The following MAP2K6 variants were observed in gnomAD, a reference collection of about 807,000 sequenced individuals.
The protein encoded by MAP2K6 is mitogen-activated protein kinase kinase 6.
Under a neutral mutation model 53.7 loss-of-function variants are expected in MAP2K6, and 16 were observed. The ratio of observed to expected loss-of-function variants is 0.30; its 90% CI spans 0.20 to 0.45. MAP2K6 has a LOEUF of 0.45. MAP2K6 is among the 20% of genes least tolerant of loss of function. The pLI is 1.00. For missense variants in MAP2K6, 204 were observed against 411.9 expected (o/e 0.50, Z 4.37); for synonymous variants, 132 against 143.1 (o/e 0.92, Z 0.55).
intron 4 of MAP2K6, among the ~76,000 whole-genome samples, chr17:69,518,603 T>C (rs75384229): frequency 2.6e-5 from 4 of 152,342 alleles, no homozygotes; most frequent in Non-Finnish European, 4.4e-5. Flanking sequence ...ATTGGGGCTA[T>C]TGTTAGGAAT....
intron 1 of MAP2K6, among the ~76,000 whole-genome samples, chr17:69,446,588 G>A (rs1906970958): frequency 6.6e-6 from 1 of 152,144 alleles, no homozygotes; most frequent in Non-Finnish European, 1.5e-5. Context: ...TCACAGGTGA[G>A]GAAACCAAAG....
intron 1 of MAP2K6, among the ~76,000 whole-genome samples, chr17:69,472,385 T>C (rs1398442894): frequency 8.5e-5 from 13 of 152,240 alleles, no homozygotes. Context: ...AACATTGTTT[T>C]ATTATAGTGT....
chr17:69,463,490 GCA>G (rs897091593), intron 1 of MAP2K6, among the ~76,000 whole-genome samples: 28 of 146,728 alleles, frequency 1.9e-4, no homozygotes, highest in African/African-American at 2.5e-4. Flanking sequence ...ACACATATAT[GCA>G]CACACACACA....
At position 69,466,551 on chromosome 17, in the gene MAP2K6, G is replaced by T. The variant is rs74895439; in HGVS notation, c.17-39229G>T. ...TCTGGAATTTGTTTCTCAAGCCATC[G>T]GCACTGCATCCCCTCCAGTGGTTTG... On this transcript the variant is annotated intron_variant, in intron 1 of 11. Coordinates refer to ENST00000590474, the MANE Select transcript of MAP2K6 (RefSeq NM_002758.4). 7.9e-5 allele frequency among the ~76,000 whole-genome samples: 12 copies of T among 152,250 alleles called. No homozygotes were observed. In the East Asian group the frequency reaches 2.3e-3, roughly 29 times the overall value.
chr17:69,478,687 A>G (rs746408505), intron 1 of MAP2K6, among the ~76,000 whole-genome samples: 1 of 152,190 alleles, frequency 6.6e-6, no homozygotes, highest in Non-Finnish European at 1.5e-5. Context: ...GGCCTCCCAA[A>G]GTGCAGGGAT....
At chr17:69,526,782 G>T in intron 10 of MAP2K6, 73 bp downstream of exon 10, 2 of 1,528,372 alleles carry the variant, frequency 1.3e-6, no homozygotes, top group Non-Finnish European at 1.8e-6. Flanking sequence ...TTCCATCGGG[G>T]TTGAATCCAT....
At chr17:69,470,372 C>T (rs773328152) in intron 1 of MAP2K6, among the ~76,000 whole-genome samples, 9 of 152,208 alleles carry the variant, frequency 5.9e-5, no homozygotes, top group African/African-American at 9.6e-5. Context: ...TGATGATACT[C>T]GGAGCATCAC....
In MAP2K6 at chr17:69,516,783, G is replaced by GGT. The variant is rs1555609473; in HGVS notation, c.84-66_84-65dup. The GGT allele has an allele frequency of 6.2e-5, 67 of 1,085,140 alleles. No individual in the cohort carries two copies. The African/African-American group carries it at 8.4e-4, about 14-fold the overall frequency. 67.2% of individuals were successfully genotyped at this position (1,085,140 alleles called of 1,614,324 possible). ...TTCTTAAGGAAAAAATATCCTCAGTGGTGTGTGATTTGGGAAGGACATAAT... is the reference window on the plus strand; with the variant it reads ...TTCTTAAGGAAAAAATATCCTCAGTGGTGTGTGTGATTTGGGAAGGACATAAT... On this transcript the variant is annotated intron_variant, in intron 2 of 11. Coordinates refer to ENST00000590474, the MANE Select transcript of MAP2K6 (RefSeq NM_002758.4).
At chr17:69,535,461 C>T (rs571962444) in intron 10 of MAP2K6, among the ~76,000 whole-genome samples, 1 of 151,932 alleles carries the variant, frequency 6.6e-6, no homozygotes, top group South Asian at 2.1e-4. Flanking sequence ...CATGGTGGCA[C>T]GTGCCTGTAA....
intron 5 of MAP2K6, chr17:69,519,650 T>C (rs1567851867): frequency 3.9e-6 from 2 of 509,380 alleles, no homozygotes; most frequent in Non-Finnish European, 6.8e-6. Flanking sequence ...ATGTGGAGTT[T>C]CTCGTCTCCT....
At chr17:69,499,422 A>C (rs1351090095) in intron 1 of MAP2K6, among the ~76,000 whole-genome samples, 1 of 152,230 alleles carries the variant, frequency 6.6e-6, no homozygotes, top group African/African-American at 2.4e-5. Flanking sequence ...ATTGTACATC[A>C]TCTCCAGTTT....
intron 1 of MAP2K6, among the ~76,000 whole-genome samples, chr17:69,466,142 C>T (rs1598275756): frequency 6.7e-6 from 1 of 148,488 alleles, no homozygotes; most frequent in African/African-American, 2.5e-5. Flanking sequence ...AAAAATTAGC[C>T]AAGCATGGTG....
At chr17:69,437,618 A>G (rs1906690739) in intron 1 of MAP2K6, among the ~76,000 whole-genome samples, 1 of 152,232 alleles carries the variant, frequency 6.6e-6, no homozygotes, top group African/African-American at 2.4e-5. Context: ...ATTTTAGAGT[A>G]TACAATTCAG....
At chr17:69,492,036 C>G (rs1418855920) in intron 1 of MAP2K6, among the ~76,000 whole-genome samples, 1 of 151,996 alleles carries the variant, frequency 6.6e-6, no homozygotes, top group East Asian at 1.9e-4. Flanking sequence ...GTTTAAGTTC[C>G]TTATAGATGC....
At chr17:69,483,234 C>T (rs1908411578) in intron 1 of MAP2K6, among the ~76,000 whole-genome samples, 1 of 151,864 alleles carries the variant, frequency 6.6e-6, no homozygotes, top group South Asian at 2.1e-4. Context: ...ACTATTAGCA[C>T]TTACAAGCAA....
At chr17:69,518,104 C>T (rs1910266288) in intron 4 of MAP2K6, among the ~76,000 whole-genome samples, 1 of 152,134 alleles carries the variant, frequency 6.6e-6, no homozygotes, top group South Asian at 2.1e-4. Flanking sequence ...GCAGGAGAAT[C>T]ACTTGAACCC....
intron 1 of MAP2K6, among the ~76,000 whole-genome samples, chr17:69,460,359 T>G (rs777458409): frequency 6.6e-6 from 1 of 152,166 alleles, no homozygotes; most frequent in Non-Finnish European, 1.5e-5. Flanking sequence ...CGGAGGTATT[T>G]AACGCACTGC....
intron 1 of MAP2K6, among the ~76,000 whole-genome samples, chr17:69,475,817 A>G (rs1908131421): frequency 6.6e-6 from 1 of 152,148 alleles, no homozygotes; most frequent in Non-Finnish European, 1.5e-5. Flanking sequence ...GATTGGTCTA[A>G]ACCAATCATG....
intron 10 of MAP2K6, among the ~76,000 whole-genome samples, chr17:69,532,930 GA>G (rs1911157403): frequency 1.3e-5 from 2 of 152,000 alleles, no homozygotes; most frequent in Admixed American, 6.6e-5. Context: ...AAAATCTGGA[GA>G]TTTTTTTTTT....
Sources: gnomAD v4.1 joint callset for allele counts (sites outside exome capture counted in the v4.1 genomes callset) on GRCh38, gnomAD v4.1.1 for gene constraint, MANE v1.5 for transcripts, NCBI Gene and HGNC (gene_info 2026-07-23, HGNC 2026-07-21) for gene names.